The following DIDO1 variants were observed in gnomAD, a reference collection of about 807,000 sequenced individuals.
DIDO1 encodes death inducer-obliterator 1.
In DIDO1, 16 loss-of-function variants were observed where a neutral mutation model predicts 99.4. The ratio of observed to expected loss-of-function variants is 0.16; its 90% CI spans 0.11 to 0.24. DIDO1 has a LOEUF of 0.24. Among genes scored for constraint, DIDO1 ranks in the 10% least tolerant of loss-of-function variants. The pLI, the probability that DIDO1 is intolerant of heterozygous loss-of-function variation, is 1.00. For synonymous variants in DIDO1, 1,366 were observed against 1,239.1 expected (o/e 1.10, Z -2.15); for missense variants, 2,996 against 3,014.0 (o/e 0.99, Z 0.14).
chr20:62,879,587 C>G lies in DIDO1; in HGVS notation c.6369G>C (p.Trp2123Cys). The G allele has an allele frequency of 6.2e-7, 1 of 1,602,366 alleles. No homozygotes were observed. The highest frequency in any genetic ancestry group is 8.5e-7 in the Non-Finnish European group (1 of 1,179,392). The change falls in exon 16 of 16, where the codon TGG becomes TGC. Residue 2123 changes from tryptophan (W) to cysteine (C), a missense_variant. By Grantham distance (215) the Trp-to-Cys change is radical. Coordinates refer to ENST00000395343, the MANE Select transcript of DIDO1 (RefSeq NM_001193369.2). This position sits in a 1 kb window ranked among gnomAD's most constrained non-coding sequence, Gnocchi z 6.3. ...RRRERERGRNWSRERDWDRPR... is the reference protein window; with the variant it reads ...RRRERERGRNCSRERDWDRPR... ...GCCGGTCCCAGTCCCGCTCTCGGCT[C>G]CAGTTTCGGCCGCGCTCGCGCTCTC... is the stretch of plus-strand genomic sequence containing the variant.
chr20:62,916,198 T>C (rs2065034716), intron 1 of DIDO1, among the ~76,000 whole-genome samples: 1 of 152,222 alleles, frequency 6.6e-6, no homozygotes, highest in Admixed American at 6.5e-5. Flanking sequence ...GCAACCATAT[T>C]GTATCAGTAA....
chr20:62,932,516 A>G (rs1393224013), intron 1 of DIDO1, among the ~76,000 whole-genome samples: 8 of 152,232 alleles, frequency 5.3e-5, no homozygotes, highest in Admixed American at 5.2e-4. Context: ...GGTTCAAACT[A>G]CATAATCAAA....
chr20:62,932,210 G>T (rs11907309), intron 1 of DIDO1, among the ~76,000 whole-genome samples: 1 of 152,194 alleles, frequency 6.6e-6, no homozygotes, highest in African/African-American at 2.4e-5. Flanking sequence ...AGTAAATGTA[G>T]GGCCAGGCAC....
chr20:62,928,627 T>G (rs1025878778), upstream of DIDO1: 1 of 152,260 alleles, frequency 6.6e-6, no homozygotes, highest in Non-Finnish European at 1.5e-5. Flanking sequence ...AGAATACTTT[T>G]TCCTAACCGA....
In DIDO1 at chr20:62,894,955, C is replaced by T; in HGVS notation, c.2332-41G>A. 1 of 1,603,584 alleles carries T rather than the reference C, an allele frequency of 6.2e-7. No individual in the cohort carries two copies. The highest frequency in any genetic ancestry group is 1.1e-5 in the South Asian group (1 of 90,386). ...CGAAACAGAGCTTAGGCCTTGTTTTCTAGGAGGAAAGCATCGCTTATGCAG... is the reference window on the plus strand; with the variant it reads ...CGAAACAGAGCTTAGGCCTTGTTTTTTAGGAGGAAAGCATCGCTTATGCAG... On this transcript the variant is annotated intron_variant, in intron 9 of 15. Coordinates refer to ENST00000395343, the MANE Select transcript of DIDO1 (RefSeq NM_001193369.2). This position sits in a 1 kb window ranked among gnomAD's most constrained non-coding sequence, Gnocchi z 4.4.
chr20:62,930,792 C>T (rs2065325424), upstream of DIDO1, among the ~76,000 whole-genome samples: 1 of 152,234 alleles, frequency 6.6e-6, no homozygotes, highest in African/African-American at 2.4e-5. Flanking sequence ...TCACATTAGC[C>T]TCTGTAAGTT....
At position 62,910,917 on chromosome 20, in the gene DIDO1, A is replaced by C; in HGVS notation, c.696T>G (p.Asp232Glu). 6.2e-7 allele frequency: 1 copy of C among 1,613,836 alleles called. No homozygotes were observed. The highest frequency in any genetic ancestry group is 8.5e-7 in the Non-Finnish European group (1 of 1,179,980). Residue 232 changes from aspartate to glutamate, a missense_variant, in exon 3 of 16, where the codon GAT becomes GAG. Physicochemically the swap from Asp to Glu is conservative, Grantham distance 45 (BLOSUM62 2). Around this residue, in one of 5 missense-constraint regions of DIDO1, gnomAD observed 388 missense variants for 376.6 expected, o/e 1.03. Coordinates refer to ENST00000395343, the MANE Select transcript of DIDO1 (RefSeq NM_001193369.2). ...TTCCCTCCAACTTACTCTCTCTGTC[A>C]TCTTTCCCAGCCTGGGACACAACCC... Reference protein sequence around the residue: ...DQGVVSQAGKDDRESKLEGKA... With the variant: ...DQGVVSQAGKEDRESKLEGKA...
chr20:62,881,199 G>A lies in DIDO1; in HGVS notation c.4757C>T (p.Ala1586Val), dbSNP rs1325077173. ...EPLSRLSARG[A>V]QGALPERDAS... ...ATCTCTCTCGGGCAGGGCACCCTGG[G>A]CACCACGTGCCGAGAGCCTGGAGAG... is the stretch of plus-strand genomic sequence containing the variant. Residue 1586 changes from alanine to valine, a missense_variant, in exon 16 of 16, where the codon GCC becomes GTC. By Grantham distance (64) the Ala-to-Val change is moderately conservative (BLOSUM62 0). Around this residue, in one of 5 missense-constraint regions of DIDO1, gnomAD observed 1,562 missense variants for 1,412.6 expected, o/e 1.11. Transcript: ENST00000395343. This position sits in a 1 kb window ranked among gnomAD's most constrained non-coding sequence, Gnocchi z 8.3. 20 of 1,606,822 alleles carry A rather than the reference G, an allele frequency of 1.2e-5. No homozygotes were observed. Among genetic ancestry groups the A allele is most frequent in the Non-Finnish European group, 1.7e-5 (20 of 1,178,938 alleles).
intron 6 of DIDO1, among the ~76,000 whole-genome samples, chr20:62,901,504 T>G (rs922858876): frequency 7.2e-5 from 11 of 152,044 alleles, no homozygotes; most frequent in Admixed American, 7.2e-4. Context: ...AACCTTTATC[T>G]AAGTTGTTTA....
intron 1 of DIDO1, among the ~76,000 whole-genome samples, chr20:62,933,831 C>T (rs1489315637): frequency 6.6e-6 from 1 of 152,208 alleles, no homozygotes; most frequent in African/African-American, 2.4e-5. Flanking sequence ...CACCATTGCA[C>T]TCCAGCCTGG....
chr20:62,880,839 A>G lies in DIDO1; in HGVS notation c.5117T>C (p.Leu1706Pro), dbSNP rs757217494. 6.2e-7 allele frequency: 1 copy of G among 1,612,614 alleles called. No individual in the cohort carries two copies. The highest frequency in any genetic ancestry group is 1.1e-5 in the South Asian group (1 of 91,076). The change falls in exon 16 of 16, where the codon CTT becomes CCT. Residue 1706 changes from leucine (L) to proline (P), a missense_variant. Leu to Pro is a moderately conservative substitution (Grantham distance 98). Transcript: ENST00000395343. ...GSAQYEDPRN[L>P]HSAGRSSSPA... The stretch of plus-strand genomic sequence containing the variant: ...GCTGCTGCTCCTTCCAGCAGAATGA[A>G]GATTTCTTGGGTCCTCATACTGGGC...
intron 4 of DIDO1, 85 bp from the exon 5 acceptor site, chr20:62,907,444 AG>A: frequency 7.7e-7 from 1 of 1,301,016 alleles, no homozygotes; most frequent in Non-Finnish European, 1.1e-6. Context: ...CACCATTTAT[AG>A]TACCAAGGCC....
At chr20:62,913,551 T>C (rs376306785) in intron 2 of DIDO1, among the ~76,000 whole-genome samples, 6 of 152,270 alleles carry the variant, frequency 3.9e-5, no homozygotes, top group African/African-American at 1.4e-4. Flanking sequence ...TTCGTTCTCA[T>C]TGGAAATTTT....
upstream of DIDO1, among the ~76,000 whole-genome samples, chr20:62,927,447 C>T (rs2065275105): frequency 6.6e-6 from 1 of 152,158 alleles, no homozygotes; most frequent in Admixed American, 6.5e-5. Context: ...AGGAAAGAGA[C>T]TGGGAGGGGG....
rs1204961819 is a variant in DIDO1, at chr20:62,893,957, T to A, written c.2810A>T (p.His937Leu). 5.0e-6 allele frequency: 8 copies of A among 1,612,594 alleles called. No individual in the cohort carries two copies. The South Asian group carries it at 7.7e-5, about 15-fold the overall frequency. ...GTCTTCCAGCGGGGAGGGCTCGGGA[T>A]GGCCATCTCCTGGAGGCCCAGGGAA... ...TYFPGPPGDG[H>L]PEPSPLEDLS... Residue 937 changes from histidine (H) to leucine (L), a missense_variant, in exon 12 of 16, where the codon CAT (histidine) becomes CTT (leucine). His to Leu is a moderately conservative substitution (Grantham distance 99). Around this residue, in one of 5 missense-constraint regions of DIDO1, gnomAD observed 898 missense variants for 972.7 expected, o/e 0.92. Transcript: ENST00000395343.
In DIDO1 at chr20:62,890,463, A is replaced by G. The variant is rs80071480; in HGVS notation, c.3541+497T>C. 8 of 993,038 alleles carry G rather than the reference A, an allele frequency of 8.1e-6. No individual in the cohort carries two copies. The East Asian group carries it at 8.7e-4, about 108-fold the overall frequency. The allele number at this position is 993,038 out of a possible 1,614,324, so 61.5% of individuals were successfully genotyped here. ...TGCCAAAGATGAATGAACCTATTAC[A>G]ATTTGAGCTGCAGATTTTAAAATAA... On this transcript the variant is annotated intron_variant, in intron 15 of 15. Transcript: ENST00000395343.
upstream of DIDO1, among the ~76,000 whole-genome samples, chr20:62,929,693 G>GTATATATATATACATATATATATATATA: frequency 1.0e-5 from 1 of 97,980 alleles, no homozygotes; most frequent in South Asian, 3.3e-4. Context: ...AAAAGAAAAA[G>GTATATATATATACATATATATATATATA]TGTATATATA....
At chr20:62,931,873 C>T (rs1295237605) in intron 1 of DIDO1, among the ~76,000 whole-genome samples, 20 of 152,194 alleles carry the variant, frequency 1.3e-4, no homozygotes, top group Admixed American at 1.2e-3. Flanking sequence ...CTCCAGCAAC[C>T]TTCCAGAATT....
Position 62,882,096 on chromosome 20 carries a change from G to T in DIDO1, c.3860C>A (p.Ala1287Asp). 3 of 1,613,376 alleles carry T rather than the reference G, an allele frequency of 1.9e-6. No homozygotes were observed. Among genetic ancestry groups the T allele is most frequent in the East Asian group, 2.2e-5 (1 of 44,888 alleles). Reference sequence around the variant, plus strand: ...TGCCGCTGCTGTTGTGGCTGCTGTGGCTGGGCTGGGGGCTGCAGGTTTGAG... The same window carrying T: ...TGCCGCTGCTGTTGTGGCTGCTGTGTCTGGGCTGGGGGCTGCAGGTTTGAG... ...SSLKPAAPSP[A>D]TAATTAAAAS... The change falls in exon 16 of 16, where the codon GCC (alanine) becomes GAC (aspartate). Residue 1287 changes from alanine (A) to aspartate (D), a missense_variant. Coordinates refer to ENST00000395343, the MANE Select transcript of DIDO1 (RefSeq NM_001193369.2).
Sources: gnomAD v4.1 joint callset for allele counts (sites outside exome capture counted in the v4.1 genomes callset) on GRCh38, gnomAD v4.1.1 for gene constraint, gnomAD v4.1.1 regional missense constraint, Gnocchi (gnomAD v3.1) non-coding constraint, MANE v1.5 for transcripts, NCBI Gene and HGNC (gene_info 2026-07-23, HGNC 2026-07-21) for gene names.